Variants in FARP2 observed in about 807,000 individuals in gnomAD.
FARP2 encodes FERM, ARHGEF and pleckstrin domain-containing protein 2.
Under a neutral mutation model 130.5 loss-of-function variants are expected in FARP2, and 111 were observed. That is an observed-to-expected ratio of 0.85 (90% CI 0.73 to 1.00). The LOEUF (loss-of-function observed/expected upper bound fraction) is 1.00, where lower values mean the gene tolerates loss of function less well. Among genes scored for constraint, FARP2 ranks in the 50% least tolerant of loss-of-function variants. The pLI is 0.00. For missense variants in FARP2, 1,385 were observed against 1,346.3 expected (o/e 1.03, Z -0.45); for synonymous variants, 504 against 516.9 (o/e 0.98, Z 0.34).
At chr2:241,410,731 A>G (rs1246530309) in intron 5 of FARP2, among the ~76,000 whole-genome samples, 3 of 151,934 alleles carry the variant, frequency 2.0e-5, no homozygotes, top group Non-Finnish European at 2.9e-5. Context: ...CCCCTGGCCA[A>G]TTTCTTTTTT....
intron 13 of FARP2, among the ~76,000 whole-genome samples, chr2:241,452,329 G>T (rs1452873671): frequency 6.6e-6 from 1 of 152,066 alleles, no homozygotes; most frequent in Non-Finnish European, 1.5e-5. Context: ...ACAAAATCAG[G>T]CATGAGGACA....
chr2:241,437,670 A>ATTTATTTTTTTTTTT (rs1553723709), intron 12 of FARP2, among the ~76,000 whole-genome samples: 1 of 133,112 alleles, frequency 7.5e-6, no homozygotes, highest in Non-Finnish European at 1.6e-5. Flanking sequence ...TTATTTATTT[A>ATTTATTTTTTTTTTT]TTTTTTTTTT....
chr2:241,484,438 C>T, intron 21 of FARP2, 107 bp downstream of exon 21: 3 of 869,378 alleles, frequency 3.5e-6, no homozygotes, highest in Non-Finnish European at 5.7e-6. Context: ...CTGAGAGCAG[C>T]ACCTGCTGAG....
At chr2:241,454,342 T>C (rs1039619071) in intron 13 of FARP2, among the ~76,000 whole-genome samples, 1 of 152,188 alleles carries the variant, frequency 6.6e-6, no homozygotes, top group Admixed American at 6.5e-5. Context: ...GGCAGAATAG[T>C]GAAGGCCGAC....
intron 7 of FARP2, among the ~76,000 whole-genome samples, chr2:241,417,479 C>A (rs11679356): frequency 1.3e-5 from 2 of 151,938 alleles, no homozygotes; most frequent in South Asian, 2.1e-4. Context: ...TCCGCCACCA[C>A]GCCTGGCTAA....
At chr2:241,428,240 T>TC (rs942110267) in intron 8 of FARP2, among the ~76,000 whole-genome samples, 4 of 149,470 alleles carry the variant, frequency 2.7e-5, no homozygotes, top group African/African-American at 7.3e-5. Flanking sequence ...TTTACTTTTT[T>TC]TTTTTTTTTT....
At chr2:241,400,095 G>A (rs898337250) in intron 2 of FARP2, among the ~76,000 whole-genome samples, 2 of 152,134 alleles carry the variant, frequency 1.3e-5, no homozygotes, top group African/African-American at 4.8e-5. Context: ...AGTGTCTATC[G>A]CCTTCATTAG....
At chr2:241,369,524 G>A (rs544547634) in intron 1 of FARP2, among the ~76,000 whole-genome samples, 2 of 151,924 alleles carry the variant, frequency 1.3e-5, no homozygotes, top group South Asian at 4.2e-4. Context: ...GGGAGTACAG[G>A]TTAGTCTTGT....
intron 2 of FARP2, among the ~76,000 whole-genome samples, chr2:241,390,677 T>C (rs1273802221): frequency 6.6e-6 from 1 of 152,164 alleles, no homozygotes; most frequent in African/African-American, 2.4e-5. Context: ...TATTTTTTTC[T>C]TTAATTTTAA....
chr2:241,460,486 C>T (rs922021479), intron 14 of FARP2, among the ~76,000 whole-genome samples: 1 of 151,772 alleles, frequency 6.6e-6, no homozygotes, highest in African/African-American at 2.4e-5. Flanking sequence ...CTATGTTGCC[C>T]AGGCTGGTCT....
At chr2:241,457,030 C>A in intron 14 of FARP2, 108 bp downstream of exon 14, 1 of 1,022,458 alleles carries the variant, frequency 9.8e-7, no homozygotes, top group Non-Finnish European at 1.4e-6. Flanking sequence ...CAGGGAAGGG[C>A]TCTGCACTCA....
rs2064683381 is a variant in FARP2, at chr2:241,483,709, G to A, written c.2331+176G>A. The A allele has an allele frequency of 7.4e-6, 6 of 814,990 alleles. No individual in the cohort carries two copies. The South Asian group carries it at 2.2e-4, about 30-fold the overall frequency. The allele number at this position is 814,990 out of a possible 1,614,324, so 50.5% of individuals were successfully genotyped here. On this transcript the variant is annotated intron_variant, in intron 20 of 26. Coordinates refer to ENST00000264042, the MANE Select transcript of FARP2 (RefSeq NM_014808.4). ...CAGGGCCAGGGGAGGGTCACAGAGT[G>A]GGAAGAAGCAGAAAACAGCTTCCCC...
intron 11 of FARP2, 59 bp from the exon 12 acceptor site, chr2:241,436,422 A>G (rs2063231674): frequency 1.3e-6 from 2 of 1,505,658 alleles, no homozygotes; most frequent in African/African-American, 2.7e-5. Flanking sequence ...TGCTGCTTTA[A>G]AAACAGGCGC....
chr2:241,453,097 A>G (rs911670140), intron 13 of FARP2, among the ~76,000 whole-genome samples: 3 of 152,084 alleles, frequency 2.0e-5, no homozygotes, highest in African/African-American at 7.2e-5. Context: ...TGGGAGGCCA[A>G]GGCGGGCGGA....
At chr2:241,480,776 G>C (rs1396457161) in intron 19 of FARP2, among the ~76,000 whole-genome samples, 1 of 152,082 alleles carries the variant, frequency 6.6e-6, no homozygotes, top group Non-Finnish European at 1.5e-5. Context: ...ATAGTTTTAT[G>C]TTTTACCTCT....
chr2:241,486,438 A>C (rs2064752792), intron 21 of FARP2, among the ~76,000 whole-genome samples: 1 of 120,150 alleles, frequency 8.3e-6, no homozygotes, highest in African/African-American at 3.2e-5. Context: ...CTCCAGCCCC[A>C]GTGACAGAGT....
chr2:241,484,320 C>T lies in FARP2; in HGVS notation c.2410C>T (p.Gln804Ter), dbSNP rs901361915. The change falls in exon 21 of 27, where the codon CAA becomes TAA. Residue 804 changes from glutamine to a stop codon, truncating the protein, a stop_gained. Coordinates refer to ENST00000264042, the MANE Select transcript of FARP2 (RefSeq NM_014808.4). LOFTEE classifies it high-confidence loss of function. ...HFRIRGLLPL[Q>*]GMLVEESDNE... ...CCGGATCCGGGGCCTCCTTCCCCTCCAAGGCATGCTGGTGAGTGGTCTTGC... is the reference window on the plus strand; with the variant it reads ...CCGGATCCGGGGCCTCCTTCCCCTCTAAGGCATGCTGGTGAGTGGTCTTGC... 4 of 1,614,042 alleles carry T rather than the reference C, an allele frequency of 2.5e-6. No homozygotes were observed. The highest frequency in any genetic ancestry group is 3.3e-4 in the Middle Eastern group (2 of 6,058).
At chr2:241,484,516 A>T (rs2064704753) in intron 21 of FARP2, among the ~76,000 whole-genome samples, 185 bp downstream of exon 21, 1 of 152,194 alleles carries the variant, frequency 6.6e-6, no homozygotes, top group Non-Finnish European at 1.5e-5. Context: ...CCTCATGGTC[A>T]TTGTTGTTAT....
chr2:241,376,198 C>T (rs1409393666), intron 2 of FARP2, among the ~76,000 whole-genome samples: 1 of 152,186 alleles, frequency 6.6e-6, no homozygotes, highest in Admixed American at 6.5e-5. Context: ...CCCACTTGGC[C>T]TCATTTTTGT....
Sources: allele counts gnomAD v4.1 joint callset (sites outside exome capture counted in the v4.1 genomes callset), GRCh38; gene constraint gnomAD v4.1.1; transcripts MANE v1.5; gene names NCBI Gene and HGNC (gene_info 2026-07-23, HGNC 2026-07-21).